Variants in FAM227A observed in about 807,000 individuals in gnomAD.
FAM227A encodes protein FAM227A.
A neutral mutation model predicts 74.7 loss-of-function variants in FAM227A; 80 were observed. That is an observed-to-expected ratio of 1.07 (90% CI 0.89 to 1.29). FAM227A has a LOEUF of 1.29. Ranked by LOEUF, FAM227A falls within the 50% of genes most tolerant of loss-of-function variation. The pLI is 0.00. For synonymous variants in FAM227A, 237 were observed against 241.8 expected (o/e 0.98, Z 0.19); for missense variants, 654 against 683.4 (o/e 0.96, Z 0.48).
intron 3 of FAM227A, among the ~76,000 whole-genome samples, chr22:38,644,226 G>A (rs1487951833): frequency 1.3e-5 from 2 of 151,334 alleles, no homozygotes; most frequent in African/African-American, 2.4e-5. Flanking sequence ...AAAAGGCTAC[G>A]TACTATATGA....
intron 9 of FAM227A, among the ~76,000 whole-genome samples, chr22:38,625,726 A>T (rs939460898): frequency 3.9e-5 from 6 of 152,098 alleles, no homozygotes; most frequent in Non-Finnish European, 8.8e-5. Context: ...CAGGCGGATT[A>T]TGAGGTCAGG....
At chr22:38,651,367 T>TTTTG (rs751479472) in intron 1 of FAM227A, among the ~76,000 whole-genome samples, 158 of 152,246 alleles carry the variant, frequency 1.0e-3, no homozygotes, top group East Asian at 2.1e-3. Flanking sequence ...TACCATGGTT[T>TTTTG]TTTGTTTGTT....
At chr22:38,621,342 T>C in intron 10 of FAM227A, among the ~76,000 whole-genome samples, 1 of 118,346 alleles carries the variant, frequency 8.4e-6, no homozygotes, top group African/African-American at 3.4e-5. Flanking sequence ...ACAGAAAGAC[T>C]CTGTCTCAAA....
chr22:38,639,494 C>T, intron 4 of FAM227A, 161 bp downstream of exon 4: 1 of 737,256 alleles, frequency 1.4e-6, no homozygotes, highest in Non-Finnish European at 2.4e-6. Context: ...CTGCCCCTCC[C>T]TCCTTCCTTG....
Position 38,583,146 on chromosome 22 carries a change from C to G in FAM227A, c.*2979G>C. ...GTGCCTTGTACTCGGCAGGTGCTCA[C>G]ACGTTCTGGTTTCAGAAGACTATAC... On this transcript the variant is annotated 3_prime_UTR_variant, in exon 17 of 17. Transcript: ENST00000535113. 1.8e-6 allele frequency: 1 copy of G among 548,828 alleles called. No homozygotes were observed. Among genetic ancestry groups the G allele is most frequent in the Non-Finnish European group, 3.2e-6 (1 of 313,868 alleles). 34.0% of individuals were successfully genotyped at this position (548,828 alleles called of 1,614,324 possible).
At chr22:38,595,967 ATAAG>A (rs1222776895) in intron 15 of FAM227A, among the ~76,000 whole-genome samples, 4 of 24,656 alleles carry the variant, frequency 1.6e-4, no homozygotes. Context: ...AAAACAACTA[ATAAG>A]GGGGGGGGGG....
chr22:38,617,292 CTTT>C (rs35990617), intron 11 of FAM227A, among the ~76,000 whole-genome samples: 11 of 116,132 alleles, frequency 9.5e-5, no homozygotes, highest in Admixed American at 8.7e-5. Flanking sequence ...TGAGAACAGA[CTTT>C]TTTTTTTTTT....
intron 9 of FAM227A, among the ~76,000 whole-genome samples, chr22:38,624,751 G>A (rs1026032596): frequency 6.6e-6 from 1 of 152,216 alleles, no homozygotes; most frequent in East Asian, 1.9e-4. Context: ...GTAGGGGGAT[G>A]AGTGGGTTCT....
rs1165890437 is a variant in FAM227A, at chr22:38,646,248, CTTTTTT to C, written c.143-609_143-604del. On this transcript the variant is annotated intron_variant, in intron 2 of 16. Coordinates refer to ENST00000535113, the MANE Select transcript of FAM227A (RefSeq NM_001013647.2). Reference sequence around the variant, plus strand: ...CTTGGGAATTTTCCTTCCAGTATTTCTTTTTTTTTTTTTTTTTTTTTTTTTTTTTGA... The same window carrying C: ...CTTGGGAATTTTCCTTCCAGTATTTCTTTTTTTTTTTTTTTTTTTTTTTGA... 1.0e-3 allele frequency among the ~76,000 whole-genome samples: 82 copies of C among 82,388 alleles called. 1 individual carries two copies. In the South Asian group the frequency reaches 0.031, roughly 31 times the overall value. 54.0% of individuals were successfully genotyped at this position (82,388 alleles called of 152,430 possible). A position where few individuals can be genotyped will look rare whatever the true frequency, so the allele number is the denominator to read the frequency against.
chr22:38,623,130 G>A, intron 10 of FAM227A, 42 bp downstream of exon 10: 1 of 1,321,768 alleles, frequency 7.6e-7, no homozygotes, highest in Non-Finnish European at 1.1e-6. Context: ...GGTTGAGTAT[G>A]GCAGTGGCAA....
At position 38,636,480 on chromosome 22, in the gene FAM227A, G is replaced by A. The variant is rs892040515; in HGVS notation, c.490C>T (p.Arg164Trp). Residue 164 changes from arginine to tryptophan, a missense_variant, in exon 6 of 17, where the codon CGG (arginine) becomes TGG (tryptophan). By Grantham distance (101) the Arg-to-Trp change is moderately radical. Coordinates refer to ENST00000535113, the MANE Select transcript of FAM227A (RefSeq NM_001013647.2). ...CCACTAAGGCAGTCTCTCTCAGCCC[G>A]GACCACGTTGCCCACCATGTCACAG... Reference protein sequence around the residue: ...DFCDMVGNVVRAERDCLSGKH... With the variant: ...DFCDMVGNVVWAERDCLSGKH... The A allele has an allele frequency of 1.8e-5, 28 of 1,551,318 alleles. No homozygotes were observed. The highest frequency in any genetic ancestry group is 9.8e-5 in the East Asian group (4 of 40,906).
chr22:38,606,623 G>T (rs144018074), intron 12 of FAM227A, among the ~76,000 whole-genome samples: 371 of 152,260 alleles, frequency 2.4e-3, no homozygotes, highest in African/African-American at 8.8e-3. Flanking sequence ...CATTACTCAT[G>T]ATTTCCAGGG....
At position 38,585,424 on chromosome 22, in the gene FAM227A, G is replaced by C. The variant is rs1248675771; in HGVS notation, c.*701C>G. The C allele has an allele frequency of 1.3e-5, 2 of 152,186 alleles. No individual in the cohort carries two copies. The highest frequency in any genetic ancestry group is 2.4e-5 in the African/African-American group (1 of 41,404). 9.4% of individuals were successfully genotyped at this position (152,186 alleles called of 1,614,324 possible). ...CCTGGGCTGAGTTTAGAAAAGACAA[G>C]ATGTTTGCCAGGCAGAAAGAGGGCA... On this transcript the variant is annotated 3_prime_UTR_variant, in exon 17 of 17. Coordinates refer to ENST00000535113, the MANE Select transcript of FAM227A (RefSeq NM_001013647.2).
rs1358215697 is a variant in FAM227A at position 38,586,032 on chromosome 22, C to A, written c.*93G>T. 6.5e-7 allele frequency: 1 copy of A among 1,546,544 alleles called. No homozygotes were observed. Among genetic ancestry groups the A allele is most frequent in the South Asian group, 1.2e-5 (1 of 83,232 alleles). On this transcript the variant is annotated 3_prime_UTR_variant, in exon 17 of 17. Coordinates refer to ENST00000535113, the MANE Select transcript of FAM227A (RefSeq NM_001013647.2). ...TCATGATTCCTATTTCTGTCTTTGG[C>A]CACAATTTTCTTATTTTCTTGTTCC... is the stretch of plus-strand genomic sequence containing the variant.
intron 13 of FAM227A, among the ~76,000 whole-genome samples, chr22:38,602,910 G>C (rs2091206749): frequency 6.6e-6 from 1 of 152,116 alleles, no homozygotes; most frequent in Non-Finnish European, 1.5e-5. Flanking sequence ...GTCTCACTCT[G>C]TCGCCCAGGC....
At chr22:38,645,254 G>A (rs867581214) in intron 3 of FAM227A, among the ~76,000 whole-genome samples, 1 of 151,960 alleles carries the variant, frequency 6.6e-6, no homozygotes, top group African/African-American at 2.4e-5. Context: ...AGCTGGGCAT[G>A]GTGGCACGCA....
intron 15 of FAM227A, 69 bp from the exon 16 acceptor site, chr22:38,591,609 G>T: frequency 8.8e-7 from 1 of 1,136,920 alleles, no homozygotes; most frequent in Non-Finnish European, 1.2e-6. Context: ...TGTTCTGTAT[G>T]TCCTATAAAC....
intron 15 of FAM227A, among the ~76,000 whole-genome samples, chr22:38,595,008 G>T (rs2091013271): frequency 6.6e-6 from 1 of 152,190 alleles, no homozygotes; most frequent in South Asian, 2.1e-4. Flanking sequence ...TGAGGCAGGA[G>T]AATCGCTTGA....
At position 38,584,910 on chromosome 22, in the gene FAM227A, C is replaced by T. The variant is rs968492874; in HGVS notation, c.*1215G>A. ...CACCTGGGTTCCAACGATTCTTCTG[C>T]CTCAGCCTCCCGAGTAGCTGGGATT... is the stretch of plus-strand genomic sequence containing the variant. On this transcript the variant is annotated 3_prime_UTR_variant, in exon 17 of 17. Coordinates refer to ENST00000535113, the MANE Select transcript of FAM227A (RefSeq NM_001013647.2). The T allele has an allele frequency of 1.3e-5, 2 of 152,072 alleles. No individual in the cohort carries two copies. The highest frequency in any genetic ancestry group is 4.8e-5 in the African/African-American group (2 of 41,378). The allele number at this position is 152,072 out of a possible 1,614,324, so 9.4% of individuals were successfully genotyped here.
Sources: allele counts gnomAD v4.1 joint callset (sites outside exome capture counted in the v4.1 genomes callset), GRCh38; gene constraint gnomAD v4.1.1; transcripts MANE v1.5; gene names NCBI Gene and HGNC (gene_info 2026-07-23, HGNC 2026-07-21).